Variants in TSHZ3 observed in about 807,000 individuals in gnomAD.
The protein encoded by TSHZ3 is teashirt homolog 3.
Under a neutral mutation model 64.5 loss-of-function variants are expected in TSHZ3, and 10 were observed. The ratio of observed to expected loss-of-function variants is 0.16; its 90% CI spans 0.10 to 0.26. The LOEUF (loss-of-function observed/expected upper bound fraction) is 0.26. Among genes scored for constraint, TSHZ3 ranks in the 10% least tolerant of loss-of-function variants. TSHZ3 has a pLI of 1.00. For synonymous variants in TSHZ3, 608 were observed against 593.1 expected (o/e 1.03, Z -0.36); for missense variants, 1,242 against 1,421.7 (o/e 0.87, Z 2.03).
At chr19:31,310,334 C>T (rs891271416) in intron 1 of TSHZ3, among the ~76,000 whole-genome samples, 3 of 152,060 alleles carry the variant, frequency 2.0e-5, no homozygotes, top group African/African-American at 4.8e-5. Context: ...CCACAGTCTT[C>T]CTTCATCTTC....
At chr19:31,330,704 T>TTGG (rs2145181104) in intron 1 of TSHZ3, among the ~76,000 whole-genome samples, 1 of 72,390 alleles carries the variant, frequency 1.4e-5, no homozygotes, top group East Asian at 4.2e-4. Context: ...TGTTTAATCC[T>TTGG]TGGGCGGGGG....
At chr19:31,165,707 C>T (rs1056129124) in intron 5 of TSHZ3, among the ~76,000 whole-genome samples, 1 of 151,952 alleles carries the variant, frequency 6.6e-6, no homozygotes, top group African/African-American at 2.4e-5. Flanking sequence ...TGTGTGTCCC[C>T]GAATCAGAGA....
At chr19:31,281,128 A>G (rs1026570666) in intron 1 of TSHZ3, among the ~76,000 whole-genome samples, 4 of 152,216 alleles carry the variant, frequency 2.6e-5, no homozygotes, top group Non-Finnish European at 4.4e-5. Flanking sequence ...GCTGATTTCT[A>G]CAAAAAGCTC....
chr19:31,255,086 T>C (rs1599606769), intron 1 of TSHZ3, among the ~76,000 whole-genome samples: 2 of 152,212 alleles, frequency 1.3e-5, no homozygotes, highest in South Asian at 4.1e-4. Context: ...AATCAGCTTT[T>C]GGTTCCATGC....
intron 1 of TSHZ3, among the ~76,000 whole-genome samples, chr19:31,266,040 C>G (rs60794010): frequency 0.014 from 2,066 of 152,280 alleles, 51 homozygotes; most frequent in African/African-American, 0.047. Context: ...TGGAGAGGAA[C>G]AGGTGTCCTG....
chr19:31,204,748 A>AT (rs1228063355), intron 5 of TSHZ3: 1 of 152,188 alleles, frequency 6.6e-6, no homozygotes, highest in Non-Finnish European at 1.5e-5. Context: ...CTTTGCAGGC[A>AT]TGGAAACCTT....
intron 1 of TSHZ3, among the ~76,000 whole-genome samples, chr19:31,290,242 C>T (rs1976540446): frequency 1.3e-5 from 2 of 152,236 alleles, no homozygotes; most frequent in South Asian, 2.1e-4. Flanking sequence ...GAAGCTCAGG[C>T]CTGGATTGCC....
intron 1 of TSHZ3, among the ~76,000 whole-genome samples, chr19:31,292,756 ATCC>A (rs1330345934): frequency 2.0e-5 from 3 of 151,154 alleles, no homozygotes; most frequent in African/African-American, 4.9e-5. Flanking sequence ...CCATCCATCC[ATCC>A]ATCCATCCAC....
chr19:31,217,317 C>T (rs1480627917), intron 4 of TSHZ3, among the ~76,000 whole-genome samples: 2 of 151,876 alleles, frequency 1.3e-5, no homozygotes, highest in East Asian at 3.9e-4. Context: ...ACGGGGTGAA[C>T]GAGGGGGAGA....
intron 1 of TSHZ3, among the ~76,000 whole-genome samples, chr19:31,299,223 G>T (rs1157931319): frequency 1.3e-5 from 2 of 152,110 alleles, no homozygotes; most frequent in Non-Finnish European, 2.9e-5. Context: ...CAACCGCATG[G>T]CGACTCTCTC....
rs138304142 is a variant in TSHZ3, at chr19:31,295,329, T to C, written c.41-15577A>G. On this transcript the variant is annotated intron_variant, in intron 1 of 1. Coordinates refer to ENST00000240587, the MANE Select transcript of TSHZ3 (RefSeq NM_020856.4). ...GATCTAGACCCATTAGATGTGCATA[T>C]GTATTTCATCAAAAGACCTGTACGC... Among the ~76,000 whole-genome samples, 60 of 152,364 alleles carry C rather than the reference T, an allele frequency of 3.9e-4. No homozygotes were observed. In the East Asian group the frequency reaches 0.01, roughly 26 times the overall value.
At chr19:31,210,547 G>A (rs951940644) in intron 4 of TSHZ3, among the ~76,000 whole-genome samples, 5 of 152,268 alleles carry the variant, frequency 3.3e-5, no homozygotes, top group African/African-American at 9.6e-5. Flanking sequence ...CCTGGAACAC[G>A]TTTCATGAGT....
Position 31,278,451 on chromosome 19 carries a change from C to T in TSHZ3, c.1342G>A (p.Ala448Thr). 1.2e-6 allele frequency: 2 copies of T among 1,614,132 alleles called. No homozygotes were observed. Among genetic ancestry groups the T allele is most frequent in the Non-Finnish European group, 1.7e-6 (2 of 1,180,028 alleles). Reference protein sequence around the residue: ...LDEKVQSVPLAATTFTSPSNT... With the variant: ...LDEKVQSVPLTATTFTSPSNT... ...GAGGGGGACGTGAAGGTGGTGGCTG[C>T]CAGGGGCACGGACTGGACCTTCTCA... Residue 448 changes from alanine (A) to threonine (T), a missense_variant, in exon 2 of 2, where the codon GCA becomes ACA. Transcript: ENST00000240587. This position sits in a 1 kb window ranked among gnomAD's most constrained non-coding sequence, Gnocchi z 4.7.
chr19:31,177,356 G>C lies in TSHZ3; in HGVS notation n.810-20939C>G, dbSNP rs181829559. ...CATGATATAAGAGAATGGCCAGCCGGGTGGTGTCAGCATGGTTGCCCTCCC... is the reference window on the plus strand; with the variant it reads ...CATGATATAAGAGAATGGCCAGCCGCGTGGTGTCAGCATGGTTGCCCTCCC... On this transcript the variant is annotated intron_variant and non_coding_transcript_variant, in intron 5 of 6. Coordinates refer to the TSHZ3 transcript ENST00000651361. 3.3e-5 allele frequency among the ~76,000 whole-genome samples: 5 copies of C among 152,204 alleles called. No individual in the cohort carries two copies. In the East Asian group the frequency reaches 5.8e-4, roughly 18 times the overall value.
At chr19:31,223,896 G>T (rs1377906659) in intron 4 of TSHZ3, among the ~76,000 whole-genome samples, 1 of 152,202 alleles carries the variant, frequency 6.6e-6, no homozygotes, top group Admixed American at 6.5e-5. Flanking sequence ...GGGCCACTCA[G>T]TGAGGGGAAG....
intron 1 of TSHZ3, among the ~76,000 whole-genome samples, chr19:31,262,415 C>T (rs1055670959): frequency 4.6e-5 from 7 of 152,036 alleles, no homozygotes; most frequent in African/African-American, 9.7e-5. Flanking sequence ...TTTATGAATT[C>T]GAAGAGCTCC....
chr19:31,273,909 A>G (rs1976181614), downstream of TSHZ3, among the ~76,000 whole-genome samples: 1 of 152,214 alleles, frequency 6.6e-6, no homozygotes, highest in Admixed American at 6.5e-5. Context: ...CCACATCCCA[A>G]GGCAAGAGCT....
chr19:31,276,328 T>A lies in TSHZ3; in HGVS notation c.*219A>T, dbSNP rs1976231038. ...CCCGTTTACACAAAGTTCCAAACAC[T>A]TACCACTGCATTTTAACCTTCATAT... On this transcript the variant is annotated 3_prime_UTR_variant, in exon 2 of 2. Coordinates refer to ENST00000240587, the MANE Select transcript of TSHZ3 (RefSeq NM_020856.4). 1 of 419,736 alleles carries A rather than the reference T, an allele frequency of 2.4e-6. No individual in the cohort carries two copies. The highest frequency in any genetic ancestry group is 8.3e-5 in the South Asian group (1 of 12,072). 26.0% of individuals were successfully genotyped at this position (419,736 alleles called of 1,614,324 possible).
At chr19:31,251,032 C>T (rs1160605928) in intron 1 of TSHZ3, among the ~76,000 whole-genome samples, 1 of 152,116 alleles carries the variant, frequency 6.6e-6, no homozygotes, top group Non-Finnish European at 1.5e-5. Flanking sequence ...GCCTGCTTTG[C>T]CACCAAACAC....
Sources: gnomAD v4.1 joint callset for allele counts (sites outside exome capture counted in the v4.1 genomes callset) on GRCh38, gnomAD v4.1.1 for gene constraint, Gnocchi (gnomAD v3.1) non-coding constraint, MANE v1.5 for transcripts, NCBI Gene and HGNC (gene_info 2026-07-23, HGNC 2026-07-21) for gene names.